Variants in PTPRT observed in about 807,000 individuals in gnomAD.
PTPRT encodes protein tyrosine phosphatase receptor type T, also known as receptor-type tyrosine-protein phosphatase T.
In PTPRT, 56 loss-of-function variants were observed where a neutral mutation model predicts 176.8. The observed-to-expected ratio is 0.32, with a 90% CI of 0.26 to 0.40. The LOEUF is 0.40. PTPRT is among the 10% of genes least tolerant of loss of function. PTPRT has a pLI of 1.00. For missense variants in PTPRT, 1,540 were observed against 1,908.2 expected, an observed-to-expected ratio of 0.81 and a Z score of 3.60; for synonymous variants, 783 against 739.0, an observed-to-expected ratio of 1.06 and a Z score of -0.96.
intron 1 of PTPRT, among the ~76,000 whole-genome samples, chr20:43,060,235 AT>A (rs1467581949): frequency 6.6e-6 from 1 of 152,072 alleles, no homozygotes; most frequent in East Asian, 1.9e-4. Flanking sequence ...AACAACATAA[AT>A]TTATTTCTCA....
intron 1 of PTPRT, among the ~76,000 whole-genome samples, chr20:42,990,940 T>C: frequency 6.6e-6 from 1 of 152,064 alleles, no homozygotes; most frequent in East Asian, 1.9e-4. Flanking sequence ...GTTTTTGTTA[T>C]ACAAAAAGGA....
At chr20:42,120,561 C>A (rs1987536564) in intron 19 of PTPRT, among the ~76,000 whole-genome samples, 1 of 152,154 alleles carries the variant, frequency 6.6e-6, no homozygotes, top group Admixed American at 6.5e-5. Flanking sequence ...ATAAAGATAC[C>A]TGCAAATACA....
intron 6 of PTPRT, among the ~76,000 whole-genome samples, chr20:42,694,682 A>C (rs559931028): frequency 6.6e-6 from 1 of 152,298 alleles, no homozygotes; most frequent in Non-Finnish European, 1.5e-5. Context: ...CCTCACCTGT[A>C]CTACTATTGT....
chr20:42,124,875 C>T (rs896530058), intron 19 of PTPRT, among the ~76,000 whole-genome samples: 3 of 152,144 alleles, frequency 2.0e-5, no homozygotes, highest in African/African-American at 4.8e-5. Flanking sequence ...TTTTTCCTTC[C>T]ATGGTCTGCT....
intron 2 of PTPRT, among the ~76,000 whole-genome samples, chr20:42,858,004 T>C (rs967694007): frequency 3.3e-5 from 5 of 152,172 alleles, no homozygotes; most frequent in Non-Finnish European, 5.9e-5. Flanking sequence ...AGCTGGAGTA[T>C]CTTGTCCAAA....
chr20:42,090,266 A>G lies in PTPRT; in HGVS notation c.3847-4413T>C, dbSNP rs894449963. ...TTTTTTCCTCCACTTAGTAGCTTTT[A>G]TGAAAATTTCTCTTTAGGATAATAC... On this transcript the variant is annotated intron_variant, in intron 27 of 30. Transcript: ENST00000373187. 4.6e-5 allele frequency among the ~76,000 whole-genome samples: 7 copies of G among 151,784 alleles called. No individual in the cohort carries two copies. In the South Asian group the frequency reaches 8.4e-4, roughly 18 times the overall value.
At chr20:42,984,347 G>A (rs954951564) in intron 1 of PTPRT, among the ~76,000 whole-genome samples, 6 of 152,198 alleles carry the variant, frequency 3.9e-5, no homozygotes, top group African/African-American at 1.2e-4. Context: ...TCCTGAACAT[G>A]CCAGTTAAAA....
chr20:42,098,528 C>T lies in PTPRT; in HGVS notation c.3739G>A (p.Val1247Met), dbSNP rs761148007. ...MDSHKQPAAF[V>M]VTQHPLPNTV... is the part of the protein sequence containing the mutation. ...TTGGGTAGAGGGTGCTGGGTGACCA[C>T]GAAGGCGGCAGGCTGCTTGTGGCTC... Residue 1247 changes from valine (V) to methionine (M), a missense_variant, in exon 27 of 31, where the codon GTG (valine) becomes ATG (methionine). Transcript: ENST00000373187. 34 of 1,614,018 alleles carry T rather than the reference C, an allele frequency of 2.1e-5. No homozygotes were observed. In the East Asian group the frequency reaches 3.1e-4, roughly 15 times the overall value.
chr20:43,027,232 C>T (rs1033248787), intron 1 of PTPRT, among the ~76,000 whole-genome samples: 2 of 152,120 alleles, frequency 1.3e-5, no homozygotes, highest in Admixed American at 6.5e-5. Context: ...AATCCCAGCA[C>T]TTTGGGAGGC....
At chr20:42,969,845 A>T (rs957978684) in intron 1 of PTPRT, among the ~76,000 whole-genome samples, 1 of 152,218 alleles carries the variant, frequency 6.6e-6, no homozygotes, top group African/African-American at 2.4e-5. Context: ...TAAATATGGT[A>T]CATTTACTAT....
rs182003374 is a variant in PTPRT at position 42,677,361 on chromosome 20, G to A, written c.1153+505C>T. Among the ~76,000 whole-genome samples the A allele has an allele frequency of 3.2e-3, 490 of 151,876 alleles. 6 individuals are homozygous for A. The highest frequency in any genetic ancestry group is 9.8e-3 in the South Asian group (47 of 4,782). ...CCCAAGGACATAGTCTAAATGAAGCGTTCACGGGGCACAGTGAGAGCCAGG... is the reference window on the plus strand; with the variant it reads ...CCCAAGGACATAGTCTAAATGAAGCATTCACGGGGCACAGTGAGAGCCAGG... On this transcript the variant is annotated intron_variant, in intron 7 of 30. Transcript: ENST00000373187.
chr20:42,517,661 T>C (rs377754643), intron 7 of PTPRT, among the ~76,000 whole-genome samples: 2 of 152,076 alleles, frequency 1.3e-5, no homozygotes, highest in East Asian at 3.8e-4. Context: ...TTTAACTGCA[T>C]TTCACACATT....
intron 16 of PTPRT, among the ~76,000 whole-genome samples, chr20:42,192,272 G>A (rs983340377): frequency 6.6e-6 from 1 of 152,086 alleles, no homozygotes; most frequent in Admixed American, 6.5e-5. Context: ...TTCCTGAAAG[G>A]GTTAAGGAAT....
At chr20:42,119,536 A>AT (rs1369900028) in intron 20 of PTPRT, among the ~76,000 whole-genome samples, 1 of 152,196 alleles carries the variant, frequency 6.6e-6, no homozygotes, top group African/African-American at 2.4e-5. Context: ...AGCCAGCTGC[A>AT]TATCTGTTAT....
intron 2 of PTPRT, among the ~76,000 whole-genome samples, chr20:42,835,472 C>T (rs576804669): frequency 1.1e-4 from 16 of 152,050 alleles, no homozygotes. Flanking sequence ...TAGCAGAATG[C>T]CTATTTTATT....
chr20:42,417,089 A>C (rs1356004415), intron 9 of PTPRT, among the ~76,000 whole-genome samples: 2 of 152,240 alleles, frequency 1.3e-5, no homozygotes, highest in Non-Finnish European at 2.9e-5. Flanking sequence ...ATGCCCTATC[A>C]TCTCCAAGTA....
Position 42,202,032 on chromosome 20 carries a change from C to T in PTPRT, c.2343-2644G>A, listed in dbSNP as rs866676571. ...TTGCCTACACTGGAGTGCAGTGGTG[C>T]GATTTCAGCTCACTGCAGCCTCTGC... is the stretch of plus-strand genomic sequence containing the variant. On this transcript the variant is annotated intron_variant, in intron 15 of 30. Transcript: ENST00000373187. Among the ~76,000 whole-genome samples, 13 of 151,480 alleles carry T rather than the reference C, an allele frequency of 8.6e-5. No homozygotes were observed. In the South Asian group the frequency reaches 1.3e-3, roughly 15 times the overall value.
intron 18 of PTPRT, among the ~76,000 whole-genome samples, chr20:42,134,706 T>G (rs1265006220): frequency 6.6e-6 from 1 of 152,118 alleles, no homozygotes; most frequent in Non-Finnish European, 1.5e-5. Flanking sequence ...GTGGTGTAAA[T>G]ACTCCCACCA....
At chr20:42,538,832 G>A (rs1017390835) in intron 7 of PTPRT, among the ~76,000 whole-genome samples, 1 of 152,060 alleles carries the variant, frequency 6.6e-6, no homozygotes, top group African/African-American at 2.4e-5. Flanking sequence ...CTCCACATTG[G>A]ACACATTCAT....
Sources: allele counts gnomAD v4.1 joint callset (sites outside exome capture counted in the v4.1 genomes callset), GRCh38; gene constraint gnomAD v4.1.1; transcripts MANE v1.5; gene names NCBI Gene and HGNC (gene_info 2026-07-23, HGNC 2026-07-21).